The following GPR39 variants were observed in gnomAD, a reference collection of about 807,000 sequenced individuals.
GPR39 encodes G protein-coupled receptor 39.
GPR39 carries 23 observed loss-of-function variants against 18.4 expected under a neutral mutation model. The ratio of observed to expected loss-of-function variants is 1.25; its 90% CI spans 0.90 to 1.77. The LOEUF is 1.77. Ranked by LOEUF, GPR39 falls within the 40% of genes most tolerant of loss-of-function variation. The probability of loss-of-function intolerance (pLI) is 0.00; values close to 1 mark genes in which losing one functional copy is unlikely to be tolerated. For missense variants in GPR39, 647 were observed against 602.4 expected (o/e 1.07, Z -0.78); for synonymous variants, 280 against 257.9 (o/e 1.09, Z -0.82).
rs1680964891 is a variant in GPR39, at chr2:132,468,128, T to C, written c.856+50230T>C. Among the ~76,000 whole-genome samples, 4 of 152,176 alleles carry C rather than the reference T, an allele frequency of 2.6e-5. No individual in the cohort carries two copies. In the South Asian group the frequency reaches 8.3e-4, roughly 32 times the overall value. On this transcript the variant is annotated intron_variant, in intron 1 of 1. Coordinates refer to ENST00000329321, the MANE Select transcript of GPR39 (RefSeq NM_001508.3). ...AAATTCTTTTTTTTTCTGCTAATAT[T>C]TGTGCAGGTCCCATGAAAATAAACA...
chr2:132,511,642 G>T (rs1335310320), intron 1 of GPR39, among the ~76,000 whole-genome samples: 1 of 152,192 alleles, frequency 6.6e-6, no homozygotes, highest in Non-Finnish European at 1.5e-5. Flanking sequence ...GCTGCGGAAG[G>T]TGATTTTTTC....
chr2:132,480,356 A>G (rs1200733806), intron 1 of GPR39, among the ~76,000 whole-genome samples: 6 of 152,220 alleles, frequency 3.9e-5, no homozygotes, highest in Non-Finnish European at 7.3e-5. Context: ...GTGAATGTAC[A>G]TAACACTACT....
At chr2:132,460,465 A>G (rs907467426) in intron 1 of GPR39, among the ~76,000 whole-genome samples, 4 of 152,204 alleles carry the variant, frequency 2.6e-5, no homozygotes, top group Admixed American at 2.6e-4. Context: ...GAAAATGTAC[A>G]TTTGACACCA....
chr2:132,538,512 C>T (rs541315810), intron 1 of GPR39, among the ~76,000 whole-genome samples: 51 of 152,218 alleles, frequency 3.4e-4, no homozygotes, highest in Non-Finnish European at 6.6e-4. Flanking sequence ...CTTTCCCAGT[C>T]AGGAGGCATG....
intron 1 of GPR39, among the ~76,000 whole-genome samples, chr2:132,582,915 C>T (rs866175401): frequency 3.1e-4 from 32 of 101,596 alleles, no homozygotes; most frequent in African/African-American, 6.6e-4. Context: ...TTCTTTCTTT[C>T]TTTTTTTTTT....
intron 1 of GPR39, among the ~76,000 whole-genome samples, chr2:132,554,409 C>T (rs1192200730): frequency 6.6e-6 from 1 of 152,202 alleles, no homozygotes; most frequent in Non-Finnish European, 1.5e-5. Flanking sequence ...TGGGTCATCT[C>T]ACTTATCTGC....
intron 1 of GPR39, among the ~76,000 whole-genome samples, chr2:132,577,524 C>T (rs181293170): frequency 6.6e-6 from 1 of 150,988 alleles, no homozygotes; most frequent in East Asian, 1.9e-4. Context: ...AATTTATGAA[C>T]ATGTAAGTCT....
At chr2:132,447,975 T>G (rs1388816892) in intron 1 of GPR39, among the ~76,000 whole-genome samples, 5 of 152,166 alleles carry the variant, frequency 3.3e-5, no homozygotes, top group Non-Finnish European at 5.9e-5. Flanking sequence ...TGGAATTTGT[T>G]GAGAAGTGGA....
intron 1 of GPR39, among the ~76,000 whole-genome samples, chr2:132,501,181 A>G (rs1679030800): frequency 6.7e-6 from 1 of 148,456 alleles, no homozygotes; most frequent in Non-Finnish European, 1.5e-5. Flanking sequence ...TGTGACTTAG[A>G]TTGTCTATTT....
intron 1 of GPR39, among the ~76,000 whole-genome samples, chr2:132,442,932 C>A (rs1039055153): frequency 6.6e-6 from 1 of 151,990 alleles, no homozygotes; most frequent in Non-Finnish European, 1.5e-5. Flanking sequence ...GCATGGACTG[C>A]TATAATTAGG....
chr2:132,547,254 G>A (rs1455861058), intron 1 of GPR39, among the ~76,000 whole-genome samples: 1 of 152,186 alleles, frequency 6.6e-6, no homozygotes, highest in Non-Finnish European at 1.5e-5. Flanking sequence ...GCATTTCCCT[G>A]GGCCCTAGAC....
At chr2:132,515,304 A>C (rs562230107) in intron 1 of GPR39, among the ~76,000 whole-genome samples, 1 of 152,330 alleles carries the variant, frequency 6.6e-6, no homozygotes, top group East Asian at 1.9e-4. Context: ...CAGATCTCTT[A>C]GTTATTGACT....
intron 1 of GPR39, among the ~76,000 whole-genome samples, chr2:132,621,865 A>G (rs934750465): frequency 6.6e-6 from 1 of 152,156 alleles, no homozygotes; most frequent in African/African-American, 2.4e-5. Context: ...CCTTCGTCCT[A>G]AGTAAGAAGG....
At chr2:132,546,120 A>G (rs970996819) in intron 1 of GPR39, among the ~76,000 whole-genome samples, 2 of 152,342 alleles carry the variant, frequency 1.3e-5, no homozygotes, top group East Asian at 1.9e-4. Context: ...ATTTTGGTTA[A>G]GAGTTGGTGA....
At chr2:132,422,485 G>T (rs1680033024) in intron 1 of GPR39, among the ~76,000 whole-genome samples, 1 of 150,194 alleles carries the variant, frequency 6.7e-6, no homozygotes, top group African/African-American at 2.5e-5. Context: ...TTTAGTAGTT[G>T]TTTTCTTCAC....
chr2:132,548,703 T>C (rs1025178704), intron 1 of GPR39, among the ~76,000 whole-genome samples: 1 of 152,216 alleles, frequency 6.6e-6, no homozygotes, highest in African/African-American at 2.4e-5. Flanking sequence ...AACTGCAAAA[T>C]AGGGAAAGCA....
intron 1 of GPR39, among the ~76,000 whole-genome samples, chr2:132,545,056 C>T (rs145506004): frequency 7.1e-4 from 108 of 152,292 alleles, no homozygotes; most frequent in Non-Finnish European, 1.3e-3. Flanking sequence ...TGGATTTATC[C>T]GAGACTTGTA....
intron 1 of GPR39, among the ~76,000 whole-genome samples, chr2:132,476,681 T>C (rs949336219): frequency 3.4e-5 from 5 of 149,150 alleles, no homozygotes; most frequent in Non-Finnish European, 7.4e-5. Flanking sequence ...TGTAAAGATA[T>C]GTTCCCAGGG....
chr2:132,549,471 G>A (rs1680003842), intron 1 of GPR39, among the ~76,000 whole-genome samples: 3 of 152,258 alleles, frequency 2.0e-5, no homozygotes, highest in Admixed American at 1.3e-4. Context: ...CTCTCACTTT[G>A]ACTGTGGGTG....
Sources: allele counts gnomAD v4.1 joint callset (sites outside exome capture counted in the v4.1 genomes callset), GRCh38; gene constraint gnomAD v4.1.1; transcripts MANE v1.5; gene names NCBI Gene and HGNC (gene_info 2026-07-23, HGNC 2026-07-21).